MAGI2: variants seen among roughly 807,000 people sequenced by gnomAD.
The protein encoded by MAGI2 is membrane-associated guanylate kinase, WW and PDZ domain-containing protein 2.
MAGI2 carries 35 observed loss-of-function variants against 133.3 expected under a neutral mutation model. That is an observed-to-expected ratio of 0.26 (90% confidence interval 0.20 to 0.35). The LOEUF (loss-of-function observed/expected upper bound fraction) is 0.35, where lower values mean the gene tolerates loss of function less well. Among genes scored for constraint, MAGI2 ranks in the 10% least tolerant of loss-of-function variants. MAGI2 has a pLI of 1.00. For synonymous variants in MAGI2, 729 were observed against 710.6 expected (o/e 1.03, Z -0.41); for missense variants, 1,636 against 1,863.4 (o/e 0.88, Z 2.25).
rs879576107 is a variant in MAGI2 at position 78,118,150 on chromosome 7, C to CA, written c.3567+7543dup. Reference sequence around the variant, plus strand: ...ACTGGAACAACTGGACATCCACATGCAAAAAAAATGAGTCGAGACACAGAC... The same window carrying CA: ...ACTGGAACAACTGGACATCCACATGCAAAAAAAAATGAGTCGAGACACAGAC... On this transcript the variant is annotated intron_variant, in intron 20 of 21. Coordinates refer to ENST00000354212, the MANE Select transcript of MAGI2 (RefSeq NM_012301.4). 1.1e-4 allele frequency among the ~76,000 whole-genome samples: 16 copies of CA among 151,756 alleles called. No homozygotes were observed. The East Asian group carries it at 1.4e-3, about 13-fold the overall frequency.
chr7:78,203,120 G>A (rs934285728), intron 10 of MAGI2, among the ~76,000 whole-genome samples: 1 of 152,146 alleles, frequency 6.6e-6, no homozygotes, highest in Non-Finnish European at 1.5e-5. Context: ...TTTGCGAAAA[G>A]ATGTCATTTA....
chr7:78,222,203 G>C (rs943755585), intron 10 of MAGI2, among the ~76,000 whole-genome samples: 1 of 152,102 alleles, frequency 6.6e-6, no homozygotes, highest in Non-Finnish European at 1.5e-5. Flanking sequence ...CATTCCTCGA[G>C]GGTTTCAGTT....
At chr7:78,497,458 G>T (rs1310960625) in intron 5 of MAGI2, among the ~76,000 whole-genome samples, 1 of 152,124 alleles carries the variant, frequency 6.6e-6, no homozygotes, top group Non-Finnish European at 1.5e-5. Flanking sequence ...GTTGCTGAGG[G>T]CAGAAAAAAC....
intron 2 of MAGI2, among the ~76,000 whole-genome samples, chr7:78,673,653 A>T (rs916637122): frequency 1.3e-5 from 2 of 151,744 alleles, no homozygotes; most frequent in Non-Finnish European, 2.9e-5. Context: ...TCTGTTCAGA[A>T]CTTCAACTGA....
intron 1 of MAGI2, among the ~76,000 whole-genome samples, chr7:79,196,728 A>G (rs746238269): frequency 7.9e-5 from 12 of 151,692 alleles, no homozygotes; most frequent in Non-Finnish European, 1.6e-4. Context: ...CCAAAGTTGC[A>G]TCAGATATGG....
At chr7:78,858,952 T>C (rs1793905425) in intron 2 of MAGI2, among the ~76,000 whole-genome samples, 1 of 152,218 alleles carries the variant, frequency 6.6e-6, no homozygotes. Flanking sequence ...TTAGGATAGT[T>C]AGCTCTTCTT....
intron 1 of MAGI2, among the ~76,000 whole-genome samples, chr7:79,357,923 T>G (rs1842134135): frequency 6.6e-6 from 1 of 152,156 alleles, no homozygotes; most frequent in African/African-American, 2.4e-5. Context: ...GCAAATAAAA[T>G]TATTAAGCTG....
chr7:78,944,738 T>TTTATTTATTTATTTATTTAC (rs1291722582), intron 2 of MAGI2, among the ~76,000 whole-genome samples: 14 of 105,758 alleles, frequency 1.3e-4, no homozygotes, highest in African/African-American at 4.0e-4. Flanking sequence ...TATTTATTTA[T>TTTATTTATTTATTTATTTAC]TTACTTATTT....
chr7:78,986,176 C>T (rs1805248184), intron 2 of MAGI2, among the ~76,000 whole-genome samples: 1 of 152,016 alleles, frequency 6.6e-6, no homozygotes, highest in Admixed American at 6.6e-5. Flanking sequence ...ATTACTTTTG[C>T]ATGAATACTA....
Position 78,627,255 on chromosome 7 carries a change from T to C in MAGI2, c.419-16A>G. On this transcript the variant is annotated splice_polypyrimidine_tract_variant and intron_variant, in intron 2 of 21. Coordinates refer to ENST00000354212, the MANE Select transcript of MAGI2 (RefSeq NM_012301.4). ...CTTGTGGTGCCTGAATAAAGAAAAGTAAAAACAAAAGAAAGACGCTAAGTG... is the reference window on the plus strand; with the variant it reads ...CTTGTGGTGCCTGAATAAAGAAAAGCAAAAACAAAAGAAAGACGCTAAGTG... The C allele has an allele frequency of 6.6e-7, 1 of 1,514,808 alleles. No homozygotes were observed. The highest frequency in any genetic ancestry group is 8.8e-7 in the Non-Finnish European group (1 of 1,135,524). The allele number at this position is 1,514,808 out of a possible 1,614,324, so 93.8% of individuals were successfully genotyped here.
intron 1 of MAGI2, among the ~76,000 whole-genome samples, chr7:79,096,723 C>T (rs1817552355): frequency 6.6e-6 from 1 of 152,006 alleles, no homozygotes; most frequent in African/African-American, 2.4e-5. Context: ...ATCATTTTAC[C>T]TCTAAAAAAC....
At chr7:78,493,875 A>T (rs1793848974) in intron 5 of MAGI2, among the ~76,000 whole-genome samples, 1 of 152,186 alleles carries the variant, frequency 6.6e-6, no homozygotes, top group African/African-American at 2.4e-5. Context: ...ATAGAGACAA[A>T]AGAGAGCACT....
At chr7:78,556,713 C>A (rs1457433323) in intron 3 of MAGI2, among the ~76,000 whole-genome samples, 2 of 152,164 alleles carry the variant, frequency 1.3e-5, no homozygotes, top group Non-Finnish European at 2.9e-5. Flanking sequence ...CCTTCTCAAG[C>A]TTTCCCCTTA....
At chr7:78,296,375 C>T (rs952590873) in intron 9 of MAGI2, among the ~76,000 whole-genome samples, 10 of 152,184 alleles carry the variant, frequency 6.6e-5, no homozygotes, top group Non-Finnish European at 1.3e-4. Flanking sequence ...GTTCCCTCTG[C>T]CTAGTATGCC....
intron 1 of MAGI2, among the ~76,000 whole-genome samples, chr7:79,286,406 C>T (rs1836002501): frequency 6.6e-6 from 1 of 152,004 alleles, no homozygotes; most frequent in African/African-American, 2.4e-5. Flanking sequence ...ATCTGGTAAG[C>T]AGCAAAGCCA....
rs545844343 is a variant in MAGI2, at chr7:79,432,742, C to G, written c.301+20278G>C. ...ATAAGTGGTCAGGTTTAGTCTATTC[C>G]CCTGTCAGAAAATGCTGCAATAGGC... On this transcript the variant is annotated intron_variant, in intron 1 of 21. Transcript: ENST00000354212. 5.3e-5 allele frequency among the ~76,000 whole-genome samples: 8 copies of G among 152,220 alleles called. No homozygotes were observed. The South Asian group carries it at 1.2e-3, about 24-fold the overall frequency.
At chr7:78,556,696 T>C (rs896094032) in intron 3 of MAGI2, among the ~76,000 whole-genome samples, 3 of 152,166 alleles carry the variant, frequency 2.0e-5, no homozygotes, top group African/African-American at 4.8e-5. Context: ...TATTCCCATT[T>C]CCATGCCCTT....
chr7:78,573,249 TATATATAAATATAA>T (rs1563188410), intron 3 of MAGI2, among the ~76,000 whole-genome samples: 1 of 48,504 alleles, frequency 2.1e-5, no homozygotes, highest in Non-Finnish European at 3.5e-5. Context: ...TATATATAAA[TATATATAAATATAA>T]ATATATATAA....
At chr7:78,636,976 G>A (rs984477367) in intron 2 of MAGI2, among the ~76,000 whole-genome samples, 2 of 152,124 alleles carry the variant, frequency 1.3e-5, no homozygotes, top group South Asian at 2.1e-4. Flanking sequence ...GTTTTCAGGC[G>A]ATGCCTCTGA....
Sources: gnomAD v4.1 joint callset for allele counts (sites outside exome capture counted in the v4.1 genomes callset) on GRCh38, gnomAD v4.1.1 for gene constraint, MANE v1.5 for transcripts, NCBI Gene and HGNC (gene_info 2026-07-23, HGNC 2026-07-21) for gene names.